Variants in FOCAD observed in about 807,000 individuals in gnomAD.
The protein encoded by FOCAD is KIAA1797.
In FOCAD, 198 loss-of-function variants were observed where a neutral mutation model predicts 225.6. The observed-to-expected ratio is 0.88, with a 90% CI of 0.78 to 0.99. FOCAD has a LOEUF of 0.99. FOCAD is among the 50% of genes least tolerant of loss of function. The pLI, the probability that FOCAD is intolerant of heterozygous loss-of-function variation, is 0.00. For missense variants in FOCAD, 2,713 were observed against 2,123.6 expected (o/e 1.28, Z -5.46); for synonymous variants, 897 against 755.0 (o/e 1.19, Z -3.08).
chr9:20,849,363 C>G (rs1257515741), intron 15 of FOCAD, among the ~76,000 whole-genome samples: 3 of 151,630 alleles, frequency 2.0e-5, no homozygotes, highest in African/African-American at 7.2e-5. Context: ...TTACTGTCTG[C>G]TTCTTGAAAC....
chr9:20,824,779 C>A (rs1362605921), intron 15 of FOCAD, among the ~76,000 whole-genome samples: 12 of 152,010 alleles, frequency 7.9e-5, no homozygotes, highest in Non-Finnish European at 1.8e-4. Context: ...AATAATAAAG[C>A]ACTACCACTA....
rs149217463 is a variant in FOCAD, at chr9:20,811,852, A to T, written c.1456-7944A>T. Among the ~76,000 whole-genome samples, 886 of 152,200 alleles carry T rather than the reference A, an allele frequency of 5.8e-3. 7 individuals are homozygous for T. Among genetic ancestry groups the T allele is most frequent in the African/African-American group, 0.02 (837 of 41,572 alleles). ...ATTTTTTGTAGAATGAATAAGTTTT[A>T]AAAGTCTCTTCCAATATTAAGATTA... is the stretch of plus-strand genomic sequence containing the variant. On this transcript the variant is annotated intron_variant, in intron 11 of 43. Transcript: ENST00000338382.
intron 21 of FOCAD, among the ~76,000 whole-genome samples, chr9:20,887,224 C>CT (rs1564113981): frequency 6.6e-6 from 1 of 151,558 alleles, no homozygotes; most frequent in Non-Finnish European, 1.5e-5. Flanking sequence ...TTTCTTCTTT[C>CT]TTTCCTTTTT....
intron 41 of FOCAD, among the ~76,000 whole-genome samples, chr9:20,989,154 T>C (rs1424172933): frequency 6.6e-6 from 1 of 152,238 alleles, no homozygotes; most frequent in African/African-American, 2.4e-5. Flanking sequence ...GTATTCTGTT[T>C]GCTGTGTGAG....
intron 8 of FOCAD, among the ~76,000 whole-genome samples, chr9:20,772,406 G>C (rs566452135): frequency 6.6e-6 from 1 of 152,180 alleles, no homozygotes; most frequent in Admixed American, 6.5e-5. Flanking sequence ...AGGGCTTGTG[G>C]TGGAACTCTG....
chr9:20,956,645 T>C (rs1367375213), intron 35 of FOCAD, among the ~76,000 whole-genome samples: 1 of 152,200 alleles, frequency 6.6e-6, no homozygotes, highest in Non-Finnish European at 1.5e-5. Flanking sequence ...AAGAATCCTA[T>C]TGCATTGGTT....
At chr9:20,798,972 C>T (rs1031584935) in intron 11 of FOCAD, among the ~76,000 whole-genome samples, 1 of 152,132 alleles carries the variant, frequency 6.6e-6, no homozygotes, top group African/African-American at 2.4e-5. Context: ...CCTGCTTTCT[C>T]TTGTGGACAT....
chr9:20,937,494 A>G (rs1034049159), intron 28 of FOCAD, among the ~76,000 whole-genome samples: 2 of 151,914 alleles, frequency 1.3e-5, no homozygotes, highest in Non-Finnish European at 2.9e-5. Context: ...TTCCCTATTT[A>G]ATAAATGGTG....
chr9:20,723,765 A>G (rs1273746435), intron 4 of FOCAD, among the ~76,000 whole-genome samples: 1 of 152,156 alleles, frequency 6.6e-6, no homozygotes, highest in Non-Finnish European at 1.5e-5. Flanking sequence ...TATATCTTGG[A>G]GCTTGTATTA....
At chr9:20,799,040 A>G (rs1294996345) in intron 11 of FOCAD, among the ~76,000 whole-genome samples, 1 of 152,142 alleles carries the variant, frequency 6.6e-6, no homozygotes, top group African/African-American at 2.4e-5. Context: ...AGATTCTGGT[A>G]TGCTGTGTCT....
chr9:20,884,575 G>A (rs1310822561), intron 20 of FOCAD, among the ~76,000 whole-genome samples: 1 of 152,044 alleles, frequency 6.6e-6, no homozygotes, highest in Non-Finnish European at 1.5e-5. Flanking sequence ...GGGATTACAG[G>A]TGTGAGCCAC....
At chr9:20,750,776 A>T (rs146421377) in intron 5 of FOCAD, among the ~76,000 whole-genome samples, 1 of 152,280 alleles carries the variant, frequency 6.6e-6, no homozygotes, top group African/African-American at 2.4e-5. Context: ...CTAAAAATAG[A>T]AGTCCTTTTT....
At chr9:20,732,299 G>A (rs1826780511) in intron 4 of FOCAD, among the ~76,000 whole-genome samples, 1 of 152,190 alleles carries the variant, frequency 6.6e-6, no homozygotes, top group African/African-American at 2.4e-5. Flanking sequence ...AGTCATGGTG[G>A]TAAAAGCAGG....
intron 7 of FOCAD, among the ~76,000 whole-genome samples, chr9:20,767,218 C>T (rs373560260): frequency 1.3e-5 from 2 of 151,418 alleles, no homozygotes; most frequent in South Asian, 2.1e-4. Context: ...TTAATCCAGT[C>T]TATCATTTTT....
intron 24 of FOCAD, among the ~76,000 whole-genome samples, chr9:20,917,506 G>A (rs1378767038): frequency 1.3e-5 from 2 of 152,050 alleles, no homozygotes; most frequent in African/African-American, 2.4e-5. Flanking sequence ...AAAAATACCC[G>A]AAACTTGCTT....
chr9:20,819,573 T>G (rs1342312161), intron 11 of FOCAD, among the ~76,000 whole-genome samples: 1 of 152,084 alleles, frequency 6.6e-6, no homozygotes, highest in Non-Finnish European at 1.5e-5. Flanking sequence ...AGTTATTCAA[T>G]AAAAGCACTT....
intron 8 of FOCAD, among the ~76,000 whole-genome samples, chr9:20,772,226 T>C (rs1359996889): frequency 1.3e-5 from 2 of 152,168 alleles, no homozygotes; most frequent in Non-Finnish European, 2.9e-5. Context: ...GTAGCTGATG[T>C]TGGAGGGAAG....
chr9:20,824,745 G>A (rs1824691878), intron 15 of FOCAD, among the ~76,000 whole-genome samples: 1 of 152,056 alleles, frequency 6.6e-6, no homozygotes, highest in Non-Finnish European at 1.5e-5. Flanking sequence ...AAGACCTAGT[G>A]TAATATCTGC....
chr9:20,662,656 C>G (rs541037026), intron 2 of FOCAD, among the ~76,000 whole-genome samples: 3 of 151,850 alleles, frequency 2.0e-5, no homozygotes, highest in African/African-American at 7.3e-5. Context: ...GTGGGGGTCT[C>G]ATTATATTGC....
Sources: gnomAD v4.1 joint callset for allele counts (sites outside exome capture counted in the v4.1 genomes callset) on GRCh38, gnomAD v4.1.1 for gene constraint, MANE v1.5 for transcripts, NCBI Gene and HGNC (gene_info 2026-07-23, HGNC 2026-07-21) for gene names.